Variants in POPDC1 observed in about 807,000 individuals in gnomAD.
POPDC1 encodes the protein popeye domain cAMP effector 1.
the POPDC1 span, among the ~76,000 whole-genome samples, chr6:105,127,113 C>T: frequency 1.3e-5 from 2 of 152,090 alleles, no homozygotes; most frequent in African/African-American, 4.8e-5. Context: ...GCCTATAGAC[C>T]CAGATCATGA....
chr6:105,103,326 A>G, the POPDC1 span, among the ~76,000 whole-genome samples: 2 of 152,212 alleles, frequency 1.3e-5, no homozygotes, highest in Non-Finnish European at 2.9e-5. Flanking sequence ...TGGTCTTTGG[A>G]AGGCTATGGA....
At chr6:105,098,053 T>C in the POPDC1 span, 1 of 152,190 alleles carries the variant, frequency 6.6e-6, no homozygotes, top group East Asian at 1.9e-4. Context: ...TTTAAAGTAG[T>C]AGATTTGGGG....
the POPDC1 span, among the ~76,000 whole-genome samples, chr6:105,128,497 G>A: frequency 6.6e-6 from 1 of 152,210 alleles, no homozygotes; most frequent in South Asian, 2.1e-4. Flanking sequence ...TACAAGGTGG[G>A]TGAGAAAAAA....
At chr6:105,111,889 T>C in the POPDC1 span, among the ~76,000 whole-genome samples, 1 of 152,244 alleles carries the variant, frequency 6.6e-6, no homozygotes, top group Non-Finnish European at 1.5e-5. Context: ...ATTTGTCGCA[T>C]TACTGATTGA....
At chr6:105,135,697 G>C in the POPDC1 span, among the ~76,000 whole-genome samples, 1 of 151,942 alleles carries the variant, frequency 6.6e-6, no homozygotes, top group Non-Finnish European at 1.5e-5. Flanking sequence ...AACATGTTTT[G>C]ACGCACGACA....
chr6:105,124,311 G>A, the POPDC1 span, among the ~76,000 whole-genome samples: 2 of 151,122 alleles, frequency 1.3e-5, no homozygotes, highest in Admixed American at 6.6e-5. Context: ...GAACCTGGGA[G>A]GCGGAGCTTG....
At chr6:105,104,042 C>G in the POPDC1 span, among the ~76,000 whole-genome samples, 3 of 152,134 alleles carry the variant, frequency 2.0e-5, no homozygotes, top group Non-Finnish European at 2.9e-5. Context: ...GGGTGACATC[C>G]AGGGTTCTCC....
the POPDC1 span, chr6:105,100,275 C>T: frequency 1.3e-5 from 2 of 151,558 alleles, no homozygotes; most frequent in Non-Finnish European, 2.9e-5. Context: ...TCTGGGAGGC[C>T]AAGGTGGGCG....
At chr6:105,118,411 C>T in the POPDC1 span, among the ~76,000 whole-genome samples, 5 of 152,150 alleles carry the variant, frequency 3.3e-5, no homozygotes, top group Non-Finnish European at 5.9e-5. Context: ...CAAAACCAAA[C>T]GTATTTGTTT....
chr6:105,103,998 TTAA>T, the POPDC1 span, among the ~76,000 whole-genome samples: 2 of 152,186 alleles, frequency 1.3e-5, no homozygotes, highest in African/African-American at 4.8e-5. Flanking sequence ...CTATATAACA[TTAA>T]AAGGATAATG....
chr6:105,100,939 C>T, the POPDC1 span: 1 of 832,068 alleles, frequency 1.2e-6, no homozygotes, highest in Non-Finnish European at 1.7e-6. Flanking sequence ...AGAACTCTTC[C>T]ATCCTTGACC....
the POPDC1 span, among the ~76,000 whole-genome samples, chr6:105,103,539 AT>A: frequency 1.3e-5 from 2 of 152,208 alleles, no homozygotes; most frequent in Non-Finnish European, 2.9e-5. Context: ...TCTCATAAAT[AT>A]TAACTTAGGC....
chr6:105,116,168 G>T, the POPDC1 span, among the ~76,000 whole-genome samples: 6 of 151,236 alleles, frequency 4.0e-5, no homozygotes, highest in Non-Finnish European at 8.9e-5. Context: ...TCACAGAAAC[G>T]ACGTTTTTAA....
chr6:105,109,891 G>A, the POPDC1 span, among the ~76,000 whole-genome samples: 115 of 151,880 alleles, frequency 7.6e-4, 1 homozygote, highest in Middle Eastern at 3.4e-3. Context: ...GCTTGGAGGG[G>A]GGTCAGTTCT....
the POPDC1 span, among the ~76,000 whole-genome samples, chr6:105,111,183 TA>T: frequency 6.6e-6 from 1 of 151,902 alleles, no homozygotes; most frequent in East Asian, 1.9e-4. Flanking sequence ...CTTGTGATTT[TA>T]AAAAAAAATC....
the POPDC1 span, chr6:105,100,965 C>A: frequency 8.5e-7 from 1 of 1,172,002 alleles, no homozygotes. Context: ...TCACTTCCTC[C>A]CTCCGACTCC....
At chr6:105,106,461 A>G in the POPDC1 span, among the ~76,000 whole-genome samples, 1 of 152,216 alleles carries the variant, frequency 6.6e-6, no homozygotes, top group Non-Finnish European at 1.5e-5. Context: ...GCACATGCGG[A>G]AGACTGGGAC....
chr6:105,101,172 G>A, the POPDC1 span: 1 of 1,613,326 alleles, frequency 6.2e-7, no homozygotes, highest in Non-Finnish European at 8.5e-7. Context: ...TCTTCTATCG[G>A]TTTCATCTTG....
the POPDC1 span, among the ~76,000 whole-genome samples, chr6:105,109,990 T>C: frequency 2.0e-5 from 3 of 151,942 alleles, no homozygotes; most frequent in African/African-American, 4.8e-5. Flanking sequence ...AGACTAAAAA[T>C]GTACAACTGT....
Sources: gnomAD v4.1 joint callset for allele counts (sites outside exome capture counted in the v4.1 genomes callset) on GRCh38, gnomAD v4.1.1 for gene constraint, MANE v1.5 for transcripts, NCBI Gene and HGNC (gene_info 2026-07-23, HGNC 2026-07-21) for gene names.